Variants in MELTF observed in about 807,000 individuals in gnomAD.
MELTF encodes antigen p97 (melanoma associated) identified by monoclonal antibodies 133.2 and 96.5.
In MELTF, 67 loss-of-function variants were observed where a neutral mutation model predicts 83.7. The observed-to-expected ratio is 0.80, with a 90% CI of 0.66 to 0.98. The LOEUF (loss-of-function observed/expected upper bound fraction) is 0.98. Among genes scored for constraint, MELTF ranks in the 50% least tolerant of loss-of-function variants. The pLI is 0.00. For missense variants in MELTF, 1,002 were observed against 1,035.6 expected, an observed-to-expected ratio of 0.97 and a Z score of 0.44; for synonymous variants, 462 against 447.6, an observed-to-expected ratio of 1.03 and a Z score of -0.41.
Position 197,024,134 on chromosome 3 carries a change from C to T in MELTF, c.487+169G>A, listed in dbSNP as rs576549704. On this transcript the variant is annotated intron_variant, in intron 4 of 15. Coordinates refer to ENST00000296350, the MANE Select transcript of MELTF (RefSeq NM_005929.6). The surrounding 1 kb of genome is among the most constrained non-coding windows in gnomAD (Gnocchi z 5.3). ...GCAGGAAGTCAAGCGGCGGCGCCGG[C>T]GGCAGAGTGGAGGCGGGGGAGGCAC... Among the ~76,000 whole-genome samples, 384 of 126,234 alleles carry T rather than the reference C, an allele frequency of 3.0e-3. No homozygotes were observed. Among genetic ancestry groups the T allele is most frequent in the African/African-American group, 0.011 (356 of 33,708 alleles). The allele number at this position is 126,234 out of a possible 152,430, so 82.8% of individuals were successfully genotyped here.
chr3:197,011,553 G>A lies in MELTF; in HGVS notation c.1234-759C>T, dbSNP rs1465966555. Among the ~76,000 whole-genome samples the A allele has an allele frequency of 1.3e-5, 2 of 152,208 alleles. No homozygotes were observed. Among genetic ancestry groups the A allele is most frequent in the African/African-American group, 4.8e-5 (2 of 41,454 alleles). On this transcript the variant is annotated intron_variant, in intron 9 of 15. Transcript: ENST00000296350. This position sits in a 1 kb window ranked among gnomAD's most constrained non-coding sequence, Gnocchi z 4.2. The stretch of plus-strand genomic sequence containing the variant: ...CAGGAAGGTGTCCCACGCCATTCCT[G>A]AAGAGGCATGAAGTGATGGCGGTTA...
rs1577922705 is a variant in MELTF at position 197,003,826 on chromosome 3, C to T, written c.2137+75G>A. ...CCCGCCTCCCCGGACCCGCAGCGCC[C>T]CCCGCTCCCTCAGGGTTCTGGGGTG... On this transcript the variant is annotated intron_variant, in intron 15 of 15. Coordinates refer to ENST00000296350, the MANE Select transcript of MELTF (RefSeq NM_005929.6). This position sits in a 1 kb window ranked among gnomAD's most constrained non-coding sequence, Gnocchi z 6.2. 1 of 1,501,906 alleles carries T rather than the reference C, an allele frequency of 6.7e-7. No homozygotes were observed. Among genetic ancestry groups the T allele is most frequent in the Non-Finnish European group, 9.1e-7 (1 of 1,104,830 alleles). 93.0% of individuals were successfully genotyped at this position (1,501,906 alleles called of 1,614,324 possible). A position where few individuals can be genotyped will look rare whatever the true frequency, so the allele number is the denominator to read the frequency against.
At chr3:197,021,333 T>A in intron 6 of MELTF, 71 bp downstream of exon 6, 1 of 1,495,180 alleles carries the variant, frequency 6.7e-7, no homozygotes, top group Non-Finnish European at 9.3e-7. Flanking sequence ...CTCTGCCATC[T>A]AGGGTCCCTG....
At chr3:197,015,257 T>C (rs1167490023) in intron 9 of MELTF, 108 bp downstream of exon 9, 1 of 1,306,142 alleles carries the variant, frequency 7.7e-7, no homozygotes. Context: ...CTTGTTGCAG[T>C]AGACACTCTC....
At chr3:197,025,067 G>A (rs1719798341) in intron 3 of MELTF, among the ~76,000 whole-genome samples, 1 of 152,266 alleles carries the variant, frequency 6.6e-6, no homozygotes, top group Non-Finnish European at 1.5e-5. Context: ...TGCAGGGTGT[G>A]TGTGGTGGGG....
At chr3:197,010,590 AG>A (rs1480448158) in intron 10 of MELTF, 107 bp downstream of exon 10, 1 of 913,900 alleles carries the variant, frequency 1.1e-6, no homozygotes, top group Non-Finnish European at 1.7e-6. Context: ...CACTATCCCC[AG>A]GAGAGAGGCA....
intron 9 of MELTF, among the ~76,000 whole-genome samples, chr3:197,013,222 C>T (rs1719247660): frequency 6.6e-6 from 1 of 152,210 alleles, no homozygotes; most frequent in South Asian, 2.1e-4. Context: ...CGCAGTTTTA[C>T]AGCCAGCTGA....
Position 197,002,286 on chromosome 3 carries a change from G to T in MELTF, c.*1086C>A, listed in dbSNP as rs2108946405. ...CCCACGCGGCTCCCGGTCTGCTGACGAGGGCTGCCTGCTCCCATTTCTTCT... is the reference window on the plus strand; with the variant it reads ...CCCACGCGGCTCCCGGTCTGCTGACTAGGGCTGCCTGCTCCCATTTCTTCT... On this transcript the variant is annotated 3_prime_UTR_variant, in exon 16 of 16. Coordinates refer to ENST00000296350, the MANE Select transcript of MELTF (RefSeq NM_005929.6). 6.6e-6 allele frequency: 1 copy of T among 152,366 alleles called. No individual in the cohort carries two copies. Among genetic ancestry groups the T allele is most frequent in the South Asian group, 2.1e-4 (1 of 4,826 alleles). 9.4% of individuals were successfully genotyped at this position (152,366 alleles called of 1,614,324 possible). A position where few individuals can be genotyped will look rare whatever the true frequency, so the allele number is the denominator to read the frequency against.
chr3:197,018,808 G>T, intron 6 of MELTF: 1 of 550,882 alleles, frequency 1.8e-6, no homozygotes, highest in Non-Finnish European at 2.3e-6. Flanking sequence ...ATCCTATTTG[G>T]TAGAGTATTT....
At chr3:197,016,469 C>T in intron 7 of MELTF, 100 bp from the exon 8 acceptor site, 1 of 1,122,798 alleles carries the variant, frequency 8.9e-7, no homozygotes, top group South Asian at 1.9e-5. Flanking sequence ...CGACCTCAGA[C>T]CAGGCACCCA....
Position 197,016,105 on chromosome 3 carries a change from C to T in MELTF, c.1081+84G>A, listed in dbSNP as rs544997322. On this transcript the variant is annotated intron_variant, in intron 8 of 15. Coordinates refer to ENST00000296350, the MANE Select transcript of MELTF (RefSeq NM_005929.6). ...AGAGGCCTCCCTGGTGAGCGTCTTC[C>T]CCCGGCCACTTTCCCAGAGAGCCTC... is the stretch of plus-strand genomic sequence containing the variant. 3.7e-5 allele frequency: 47 copies of T among 1,266,746 alleles called. No individual in the cohort carries two copies. In the African/African-American group the frequency reaches 6.2e-4, roughly 17 times the overall value. The allele number at this position is 1,266,746 out of a possible 1,614,324, so 78.5% of individuals were successfully genotyped here.
rs1383677000 is a variant in MELTF, at chr3:197,015,458, T to A, written c.1140A>T (p.Gly380=). The A allele has an allele frequency of 6.2e-7, 1 of 1,610,194 alleles. No individual in the cohort carries two copies. The highest frequency in any genetic ancestry group is 1.1e-5 in the South Asian group (1 of 90,222). ...GCCGGCGGAAGGCCACGGCCATGTC[T>A]CCACACTTCTGGATCTCGGGAGTGG... The part of the protein sequence containing the change: ...VLSTPEIQKC[G]DMAVAFRRQR... The change falls in exon 9 of 16, where the codon GGA becomes GGT. Residue 380 remains glycine (G), a synonymous_variant. Transcript: ENST00000296350.
intron 9 of MELTF, among the ~76,000 whole-genome samples, chr3:197,014,431 A>G (rs1360823158): frequency 8.2e-6 from 1 of 121,868 alleles, no homozygotes; most frequent in East Asian, 2.6e-4. Flanking sequence ...CTTGTCGCCC[A>G]GGCTGGAGTG....
rs1490447860 is a variant in MELTF, at chr3:197,024,122, C to T, written c.487+181G>A. 1.1e-4 allele frequency among the ~76,000 whole-genome samples: 14 copies of T among 132,250 alleles called. No individual in the cohort carries two copies. Among genetic ancestry groups the T allele is most frequent in the South Asian group, 5.5e-4 (2 of 3,642 alleles). 86.8% of individuals were successfully genotyped at this position (132,250 alleles called of 152,430 possible). ...GGGTCCAAGCAAGCAGGAAGTCAAG[C>T]GGCGGCGCCGGCGGCAGAGTGGAGG... On this transcript the variant is annotated intron_variant, in intron 4 of 15. Coordinates refer to ENST00000296350, the MANE Select transcript of MELTF (RefSeq NM_005929.6). The surrounding 1 kb of genome is among the most constrained non-coding windows in gnomAD (Gnocchi z 5.3).
chr3:197,013,211 C>G (rs1216634329), intron 9 of MELTF, among the ~76,000 whole-genome samples: 3 of 152,210 alleles, frequency 2.0e-5, no homozygotes, highest in Non-Finnish European at 4.4e-5. Flanking sequence ...AGAAATTAAC[C>G]CGCAGTTTTA....
rs1236225383 is a variant in MELTF at position 197,022,388 on chromosome 3, C to T, written c.644+569G>A. On this transcript the variant is annotated intron_variant, in intron 5 of 15. Coordinates refer to ENST00000296350, the MANE Select transcript of MELTF (RefSeq NM_005929.6). The surrounding 1 kb of genome is among the most constrained non-coding windows in gnomAD (Gnocchi z 5.1). The stretch of plus-strand genomic sequence containing the variant: ...TTCTCTCTAAGCCGAAAACCGCATC[C>T]AGTCAGATAACATCTGGAGTGTGGG... Among the ~76,000 whole-genome samples, 1 of 152,188 alleles carries T rather than the reference C, an allele frequency of 6.6e-6. No homozygotes were observed. Among genetic ancestry groups the T allele is most frequent in the African/African-American group, 2.4e-5 (1 of 41,442 alleles).
In MELTF at chr3:197,009,732, G is replaced by T; in HGVS notation, c.1411C>A (p.Arg471=). Residue 471 remains arginine, a synonymous_variant, in exon 11 of 16, where the codon CGG becomes AGG. Coordinates refer to ENST00000296350, the MANE Select transcript of MELTF (RefSeq NM_005929.6). The stretch of plus-strand genomic sequence containing the variant: ...CCGGCGTGGCAGGAGCGCTTGCCCC[G>T]AAGCTCATCCAAGGTGAAGGCGTGG... ...SSHAFTLDEL[R]GKRSCHAGFG... is the part of the protein sequence containing the mutation. 1 of 1,613,620 alleles carries T rather than the reference G, an allele frequency of 6.2e-7. No homozygotes were observed. The highest frequency in any genetic ancestry group is 8.5e-7 in the Non-Finnish European group (1 of 1,180,034).
chr3:197,010,456 C>T (rs1471153830), intron 10 of MELTF, among the ~76,000 whole-genome samples: 3 of 152,232 alleles, frequency 2.0e-5, no homozygotes, highest in African/African-American at 7.2e-5. Flanking sequence ...CTGTCGTCTG[C>T]AAAGCCTCAT....
Position 197,007,878 on chromosome 3 carries a change from CT to C in MELTF, c.1750+778del, listed in dbSNP as rs1436902016. ...ACAGTTGTGCCTTTCTGGGCTAAGT[CT>C]ATAGGAGGAGACATGTTGGGAGCGA... On this transcript the variant is annotated intron_variant, in intron 13 of 15. Coordinates refer to ENST00000296350, the MANE Select transcript of MELTF (RefSeq NM_005929.6). This position sits in a 1 kb window ranked among gnomAD's most constrained non-coding sequence, Gnocchi z 4.3. 2.0e-5 allele frequency among the ~76,000 whole-genome samples: 3 copies of C among 152,208 alleles called. No individual in the cohort carries two copies. Among genetic ancestry groups the C allele is most frequent in the African/African-American group, 7.2e-5 (3 of 41,450 alleles).
Sources: gnomAD v4.1 joint callset for allele counts (sites outside exome capture counted in the v4.1 genomes callset) on GRCh38, gnomAD v4.1.1 for gene constraint, Gnocchi (gnomAD v3.1) non-coding constraint, MANE v1.5 for transcripts, NCBI Gene and HGNC (gene_info 2026-07-23, HGNC 2026-07-21) for gene names.